The following TLK2 variants were observed in gnomAD, a reference collection of about 807,000 sequenced individuals.
TLK2 encodes tousled like kinase 2.
Under a neutral mutation model 117.3 loss-of-function variants are expected in TLK2, and 6 were observed. The ratio of observed to expected loss-of-function variants is 0.05; its 90% CI spans 0.03 to 0.10. The LOEUF is 0.10. Among genes scored for constraint, TLK2 ranks in the 10% least tolerant of loss-of-function variants. The probability of loss-of-function intolerance (pLI) is 1.00; values close to 1 mark genes in which losing one functional copy is unlikely to be tolerated. For synonymous variants in TLK2, 257 were observed against 316.7 expected (o/e 0.81, Z 2.00); for missense variants, 299 against 901.2 (o/e 0.33, Z 8.56).
Position 62,481,164 on chromosome 17 carries a change from G to A in TLK2, c.39G>A (p.Gln13=), listed in dbSNP as rs1441871715. 5 of 1,613,790 alleles carry A rather than the reference G, an allele frequency of 3.1e-6. No individual in the cohort carries two copies. In the African/African-American group the frequency reaches 5.3e-5, roughly 17 times the overall value. ...EELHSLDPRR[Q]ELLEARFTGV... is the part of the protein sequence containing the mutation. ...TGCATAGCCTGGACCCACGACGGCAGGAATTATTGGAGGCCAGGTTTACTG... is the reference window on the plus strand; with the variant it reads ...TGCATAGCCTGGACCCACGACGGCAAGAATTATTGGAGGCCAGGTTTACTG... The change falls in exon 2 of 22, where the codon CAG becomes CAA. Residue 13 remains glutamine, a synonymous_variant. Coordinates refer to ENST00000346027, the MANE Select transcript of TLK2 (RefSeq NM_006852.6).
At chr17:62,576,133 C>G (rs2080767216) in intron 12 of TLK2, among the ~76,000 whole-genome samples, 3 of 152,174 alleles carry the variant, frequency 2.0e-5, no homozygotes, top group Admixed American at 2.0e-4. Context: ...AATAGTCACT[C>G]TTTCTTAGAT....
intron 11 of TLK2, among the ~76,000 whole-genome samples, chr17:62,568,120 G>A (rs547362123): frequency 6.6e-6 from 1 of 152,100 alleles, no homozygotes; most frequent in Non-Finnish European, 1.5e-5. Flanking sequence ...TGTTTATGTT[G>A]AAGTAAACAA....
At chr17:62,549,417 A>AAAAAAAAAAAAAAAAAAGT (rs2078227128) in intron 7 of TLK2, among the ~76,000 whole-genome samples, 1 of 32,628 alleles carries the variant, frequency 3.1e-5, no homozygotes, top group African/African-American at 8.1e-5. Flanking sequence ...AAAAAAAAAA[A>AAAAAAAAAAAAAAAAAAGT]AAAAAAAAAA....
At chr17:62,523,488 G>A (rs1387403494) in intron 5 of TLK2, among the ~76,000 whole-genome samples, 2 of 152,032 alleles carry the variant, frequency 1.3e-5, no homozygotes, top group East Asian at 4.0e-4. Flanking sequence ...GCTGAGGTGG[G>A]AGGATCACTT....
At chr17:62,477,297 C>T (rs769098897), upstream of TLK2, among the ~76,000 whole-genome samples, 1 of 152,110 alleles carries the variant, frequency 6.6e-6, no homozygotes, top group African/African-American at 2.4e-5. Flanking sequence ...ACCCCCAACC[C>T]GCGAGCTGCT....
intron 6 of TLK2, among the ~76,000 whole-genome samples, chr17:62,533,406 G>C (rs932740715): frequency 8.1e-6 from 1 of 124,168 alleles, no homozygotes; most frequent in African/African-American, 2.9e-5. Context: ...GTGTGTGTGT[G>C]TAATTTTTTT....
chr17:62,536,374 A>G lies in TLK2; in HGVS notation c.531+37A>G, dbSNP rs369603386. On this transcript the variant is annotated intron_variant, in intron 7 of 21. Coordinates refer to ENST00000346027, the MANE Select transcript of TLK2 (RefSeq NM_006852.6). ...GCCTAAGTTAATTCATATCCTTTCC[A>G]TTGCCCTAGTGCTCCTTGATGAGGT... 17 of 1,580,836 alleles carry G rather than the reference A, an allele frequency of 1.1e-5. No homozygotes were observed. In the African/African-American group the frequency reaches 1.8e-4, roughly 16 times the overall value.
chr17:62,545,507 T>C (rs866638864), intron 7 of TLK2, among the ~76,000 whole-genome samples: 2 of 152,024 alleles, frequency 1.3e-5, no homozygotes, highest in Admixed American at 6.6e-5. Flanking sequence ...ATCCCAGTTA[T>C]TTGGGAGGCT....
At chr17:62,550,243 A>G (rs2078345072) in intron 7 of TLK2, 1 of 152,306 alleles carries the variant, frequency 6.6e-6, no homozygotes, top group East Asian at 1.9e-4. Flanking sequence ...GGCCTCCCAA[A>G]GTGCTGGGAT....
In TLK2 at chr17:62,538,500, A is replaced by T. The variant is rs150460467; in HGVS notation, c.531+2163A>T. 3.3e-5 allele frequency among the ~76,000 whole-genome samples: 5 copies of T among 152,334 alleles called. No homozygotes were observed. The East Asian group carries it at 9.6e-4, about 29-fold the overall frequency. The stretch of plus-strand genomic sequence containing the variant: ...AATACGTACTGAGTGCCCACTGTGT[A>T]ATGAGCATAGTTAAATACACAAGAT... On this transcript the variant is annotated intron_variant, in intron 7 of 21. Coordinates refer to ENST00000346027, the MANE Select transcript of TLK2 (RefSeq NM_006852.6).
At position 62,521,782 on chromosome 17, in the gene TLK2, A is replaced by G. The variant is rs1253961805; in HGVS notation, c.154-422A>G. Among the ~76,000 whole-genome samples the G allele has an allele frequency of 4.6e-5, 7 of 152,152 alleles. No homozygotes were observed. The East Asian group carries it at 1.2e-3, about 25-fold the overall frequency. ...AACCTAGCTGCCTGTAGATGGGTCT[A>G]AGTGTAAGTCTGTAGCCACCTACTT... On this transcript the variant is annotated intron_variant, in intron 3 of 21. Coordinates refer to ENST00000346027, the MANE Select transcript of TLK2 (RefSeq NM_006852.6).
At chr17:62,599,800 T>C (rs1353708052) in intron 17 of TLK2, among the ~76,000 whole-genome samples, 1 of 152,166 alleles carries the variant, frequency 6.6e-6, no homozygotes, top group African/African-American at 2.4e-5. Flanking sequence ...ACACCCACAT[T>C]GTCACAACTT....
chr17:62,474,180 G>C (rs933549803), upstream of TLK2, among the ~76,000 whole-genome samples: 5 of 151,946 alleles, frequency 3.3e-5, no homozygotes, highest in African/African-American at 1.2e-4. Context: ...CTGGGTTCAT[G>C]CCATTCTCCT....
At chr17:62,489,326 G>A (rs2072852531) in intron 2 of TLK2, among the ~76,000 whole-genome samples, 1 of 151,654 alleles carries the variant, frequency 6.6e-6, no homozygotes, top group Admixed American at 6.6e-5. Context: ...TCAACCTCCT[G>A]AGTATCTGGG....
chr17:62,578,463 C>G lies in TLK2; in HGVS notation c.1189-14C>G. On this transcript the variant is annotated splice_polypyrimidine_tract_variant and intron_variant, in intron 13 of 21. Coordinates refer to ENST00000346027, the MANE Select transcript of TLK2 (RefSeq NM_006852.6). ...TCCCCCTATTTTGTGCTATTTCTTT[C>G]CTTTTCGCTTTAGGAGGAAGCAGAG... 1 of 1,610,950 alleles carries G rather than the reference C, an allele frequency of 6.2e-7. No homozygotes were observed. Among genetic ancestry groups the G allele is most frequent in the Non-Finnish European group, 8.5e-7 (1 of 1,177,592 alleles).
chr17:62,486,294 A>G (rs555308201), intron 2 of TLK2, among the ~76,000 whole-genome samples: 161 of 152,042 alleles, frequency 1.1e-3, no homozygotes, highest in African/African-American at 3.6e-3. Flanking sequence ...AGTAGCTAGG[A>G]CTACAGGCGT....
At chr17:62,538,650 G>T (rs1387274129) in intron 7 of TLK2, among the ~76,000 whole-genome samples, 1 of 152,186 alleles carries the variant, frequency 6.6e-6, no homozygotes, top group African/African-American at 2.4e-5. Context: ...GTTATCAGAG[G>T]AGTAGCAGAT....
intron 2 of TLK2, among the ~76,000 whole-genome samples, chr17:62,504,703 G>T (rs1471390863): frequency 1.3e-5 from 2 of 152,132 alleles, no homozygotes; most frequent in Non-Finnish European, 2.9e-5. Flanking sequence ...AGCTACTTGG[G>T]AGGCTGAGAT....
chr17:62,533,392 CTG>C (rs1185230905), intron 6 of TLK2, among the ~76,000 whole-genome samples: 2 of 78,896 alleles, frequency 2.5e-5, no homozygotes, highest in Admixed American at 1.4e-4. Context: ...GTGTGTGTGT[CTG>C]TGTGTGTGTG....
Sources: allele counts gnomAD v4.1 joint callset (sites outside exome capture counted in the v4.1 genomes callset), GRCh38; gene constraint gnomAD v4.1.1; transcripts MANE v1.5; gene names NCBI Gene and HGNC (gene_info 2026-07-23, HGNC 2026-07-21).